The following VPS53 variants were observed in gnomAD, a reference collection of about 807,000 sequenced individuals.
The protein encoded by VPS53 is VPS53 subunit of GARP complex.
In VPS53, 70 loss-of-function variants were observed where a neutral mutation model predicts 107.0. The ratio of observed to expected loss-of-function variants is 0.65; its 90% CI spans 0.54 to 0.80. VPS53 has a LOEUF of 0.80. Among genes scored for constraint, VPS53 ranks in the 30% least tolerant of loss-of-function variants. The probability of loss-of-function intolerance (pLI) is 0.00; values close to 1 mark genes in which losing one functional copy is unlikely to be tolerated. For synonymous variants in VPS53, 409 were observed against 393.3 expected (o/e 1.04, Z -0.47); for missense variants, 917 against 1,049.4 (o/e 0.87, Z 1.74).
At chr17:639,322 T>C (rs1458243617) in intron 7 of VPS53, among the ~76,000 whole-genome samples, 1 of 152,228 alleles carries the variant, frequency 6.6e-6, no homozygotes, top group Admixed American at 6.5e-5. Context: ...ATTCGTCTAA[T>C]CTTTTTTCAA....
At chr17:552,312 T>C (rs1362804852) in intron 16 of VPS53, among the ~76,000 whole-genome samples, 1 of 137,762 alleles carries the variant, frequency 7.3e-6, no homozygotes, top group Non-Finnish European at 1.7e-5. Flanking sequence ...TGATTCTTCG[T>C]CAATAAGTGG....
chr17:681,025 A>C (rs1027583855), intron 4 of VPS53, among the ~76,000 whole-genome samples: 1 of 152,260 alleles, frequency 6.6e-6, no homozygotes, highest in Admixed American at 6.5e-5. Context: ...CTGTTAATCC[A>C]TTTAAACATG....
At chr17:651,667 A>G (rs1204107725) in intron 7 of VPS53, among the ~76,000 whole-genome samples, 1 of 152,246 alleles carries the variant, frequency 6.6e-6, no homozygotes, top group Non-Finnish European at 1.5e-5. Context: ...AGCCTGTAGC[A>G]TTCGGGCCTT....
At chr17:615,944 C>T (rs1156783624) in intron 11 of VPS53, 2 of 152,162 alleles carry the variant, frequency 1.3e-5, no homozygotes, top group East Asian at 1.9e-4. Flanking sequence ...CACTGAGGGT[C>T]GCAGAATAAA....
chr17:579,530 C>T (rs945303316), intron 13 of VPS53, among the ~76,000 whole-genome samples: 2 of 151,006 alleles, frequency 1.3e-5, no homozygotes, highest in South Asian at 2.1e-4. Flanking sequence ...TCAGTGCATT[C>T]CCAGAGAACT....
intron 12 of VPS53, among the ~76,000 whole-genome samples, chr17:598,914 T>G (rs1455650481): frequency 2.0e-4 from 1 of 4,954 alleles, no homozygotes; most frequent in Non-Finnish European, 4.1e-4. Context: ...GTCCGGGAGG[T>G]GAGGGGCGCC....
chr17:698,538 C>G (rs1464830780), intron 3 of VPS53, among the ~76,000 whole-genome samples: 1 of 151,836 alleles, frequency 6.6e-6, no homozygotes, highest in Non-Finnish European at 1.5e-5. Context: ...AACCCCATCT[C>G]TACAAAAAAT....
intron 7 of VPS53, among the ~76,000 whole-genome samples, chr17:641,993 T>C (rs1302684935): frequency 6.6e-6 from 1 of 152,158 alleles, no homozygotes; most frequent in Non-Finnish European, 1.5e-5. Context: ...TTCCTAAAAG[T>C]GTTCTCAGCT....
intron 10 of VPS53, among the ~76,000 whole-genome samples, chr17:626,744 T>C (rs1315744094): frequency 6.6e-6 from 1 of 152,186 alleles, no homozygotes; most frequent in African/African-American, 2.4e-5. Flanking sequence ...ATTCAACAAA[T>C]GTTTCCTCTG....
At chr17:679,777 C>G (rs1972317680) in intron 4 of VPS53, among the ~76,000 whole-genome samples, 1 of 152,180 alleles carries the variant, frequency 6.6e-6, no homozygotes, top group Admixed American at 6.5e-5. Flanking sequence ...TATCTATAGT[C>G]TGACTCTCTG....
chr17:661,830 T>C lies in VPS53; in HGVS notation c.351A>G (p.Lys117=), dbSNP rs1340558361. Residue 117 remains lysine (K), a synonymous_variant, in exon 5 of 22, where the codon AAA becomes AAG. Transcript: ENST00000437048. ...LFGKIKDIKD[K]AEKSEQMVKE... is the part of the protein sequence containing the mutation. ...TCACCATTTGCTCTGATTTTTCAGC[T>C]TTGTCTTTGATATCTTTGATTTTGC... 6.4e-7 allele frequency: 1 copy of C among 1,552,308 alleles called. No individual in the cohort carries two copies. Among genetic ancestry groups the C allele is most frequent in the South Asian group, 1.2e-5 (1 of 84,066 alleles).
At chr17:699,774 C>T (rs992922182) in intron 2 of VPS53, among the ~76,000 whole-genome samples, 2 of 152,006 alleles carry the variant, frequency 1.3e-5, no homozygotes, top group Admixed American at 6.6e-5. Context: ...ATTCACGTAA[C>T]GAAATACAGC....
In VPS53 at chr17:618,425, C is replaced by T. The variant is rs573089764; in HGVS notation, c.1116+5108G>A. Among the ~76,000 whole-genome samples the T allele has an allele frequency of 1.8e-4, 24 of 133,332 alleles. 4 individuals are homozygous for T. The highest frequency in any genetic ancestry group is 9.5e-4 in the Admixed American group (12 of 12,682). 87.5% of individuals were successfully genotyped at this position (133,332 alleles called of 152,430 possible). On this transcript the variant is annotated intron_variant, in intron 11 of 21. Transcript: ENST00000437048. ...ACCACCACGCCCCACTAATATTTCC[C>T]GGGTAGCTGGGACGACAGGCGTGCG... is the stretch of plus-strand genomic sequence containing the variant.
intron 13 of VPS53, among the ~76,000 whole-genome samples, chr17:575,792 GCGGT>G (rs1198021109): frequency 6.8e-6 from 1 of 146,980 alleles, no homozygotes; most frequent in East Asian, 2.1e-4. Context: ...AGAACCTAAT[GCGGT>G]CCCAGAAGAC....
chr17:673,978 C>T (rs1046976162), intron 4 of VPS53: 2 of 152,194 alleles, frequency 1.3e-5, no homozygotes, highest in Non-Finnish European at 1.5e-5. Flanking sequence ...TAAACATTTA[C>T]ATTGCAAAGT....
chr17:654,694 G>A (rs1325309512), intron 6 of VPS53, among the ~76,000 whole-genome samples: 6 of 137,432 alleles, frequency 4.4e-5, no homozygotes, highest in South Asian at 2.2e-4. Context: ...CCTAGATCGC[G>A]CCACTGCACT....
At chr17:583,751 T>C (rs539504173) in intron 13 of VPS53, among the ~76,000 whole-genome samples, 2 of 137,860 alleles carry the variant, frequency 1.5e-5, no homozygotes, top group South Asian at 2.4e-4. Flanking sequence ...TGGGTTCCCA[T>C]AGAACCTCCC....
chr17:699,232 A>G, intron 3 of VPS53, 99 bp downstream of exon 3: 1 of 925,608 alleles, frequency 1.1e-6, no homozygotes, highest in Non-Finnish European at 1.5e-6. Flanking sequence ...CAAACTTGAG[A>G]TTTCAGTGCT....
intron 4 of VPS53, among the ~76,000 whole-genome samples, chr17:671,125 G>A (rs1378317761): frequency 6.6e-6 from 1 of 152,112 alleles, no homozygotes; most frequent in African/African-American, 2.4e-5. Flanking sequence ...CAGCTACTGG[G>A]GAGGATGAGG....
Sources: allele counts gnomAD v4.1 joint callset (sites outside exome capture counted in the v4.1 genomes callset), GRCh38; gene constraint gnomAD v4.1.1; transcripts MANE v1.5; gene names NCBI Gene and HGNC (gene_info 2026-07-23, HGNC 2026-07-21).